NXPH1: variants seen among roughly 807,000 people sequenced by gnomAD.
The protein encoded by NXPH1 is neurexophilin 1.
A neutral mutation model predicts 23.7 loss-of-function variants in NXPH1; 5 were observed. The ratio of observed to expected loss-of-function variants is 0.21; its 90% CI spans 0.11 to 0.44. NXPH1 has a LOEUF of 0.44. Among genes scored for constraint, NXPH1 ranks in the 20% least tolerant of loss-of-function variants. NXPH1 has a pLI of 0.99. For missense variants in NXPH1, 324 were observed against 321.6 expected (o/e 1.01, Z -0.06); for synonymous variants, 144 against 122.2 (o/e 1.18, Z -1.18).
Position 8,435,616 on chromosome 7 carries a change from G to T in NXPH1, c.-98G>T, listed in dbSNP as rs1379797615. ...TATTTGCATCTAGGCTGCTGAGAGC[G>T]CTCCTTGCTCTGTAAAGTGGATGTC... On this transcript the variant is annotated 5_prime_UTR_variant, in exon 2 of 3. Transcript: ENST00000405863. This position sits in a 1 kb window ranked among gnomAD's most constrained non-coding sequence, Gnocchi z 5.9. The T allele has an allele frequency of 9.2e-7, 1 of 1,089,814 alleles. No individual in the cohort carries two copies. The highest frequency in any genetic ancestry group is 1.5e-5 in the African/African-American group (1 of 64,760). 67.5% of individuals were successfully genotyped at this position (1,089,814 alleles called of 1,614,324 possible).
At chr7:8,487,483 T>G (rs78404824) in intron 2 of NXPH1, among the ~76,000 whole-genome samples, 3,980 of 152,260 alleles carry the variant, frequency 0.026, 83 homozygotes, top group Middle Eastern at 0.048. Flanking sequence ...TTAAACCCCT[T>G]TCCTTTATAA....
intron 2 of NXPH1, among the ~76,000 whole-genome samples, chr7:8,538,129 A>C (rs1160484565): frequency 6.6e-6 from 1 of 151,960 alleles, no homozygotes; most frequent in African/African-American, 2.4e-5. Context: ...AAAATTAGAT[A>C]AAACATATAA....
intron 2 of NXPH1, among the ~76,000 whole-genome samples, chr7:8,632,406 T>C (rs1185099452): frequency 6.6e-6 from 1 of 152,210 alleles, no homozygotes; most frequent in East Asian, 1.9e-4. Context: ...CAAGTAGATG[T>C]ATAACTTTAT....
At chr7:8,513,807 G>A (rs1009825589) in intron 2 of NXPH1, among the ~76,000 whole-genome samples, 13 of 151,978 alleles carry the variant, frequency 8.6e-5, no homozygotes, top group Admixed American at 2.0e-4. Context: ...CCATGTATTC[G>A]TTTTCTAGGG....
chr7:8,491,554 A>C (rs577291064), intron 2 of NXPH1, among the ~76,000 whole-genome samples: 60 of 152,196 alleles, frequency 3.9e-4, no homozygotes, highest in African/African-American at 1.3e-3. Context: ...AAGACACATT[A>C]AATACACTAG....
chr7:8,597,078 C>T (rs1205946780), intron 2 of NXPH1, among the ~76,000 whole-genome samples: 1 of 151,946 alleles, frequency 6.6e-6, no homozygotes, highest in Admixed American at 6.6e-5. Flanking sequence ...TGGTCATTCA[C>T]AGCTGAGGGA....
At chr7:8,465,741 G>T (rs1326088843) in intron 2 of NXPH1, among the ~76,000 whole-genome samples, 1 of 152,158 alleles carries the variant, frequency 6.6e-6, no homozygotes, top group Non-Finnish European at 1.5e-5. Flanking sequence ...AAGTCAAAAT[G>T]CCTGCTTTCT....
At chr7:8,685,164 A>G (rs906985684) in intron 2 of NXPH1, among the ~76,000 whole-genome samples, 9 of 152,126 alleles carry the variant, frequency 5.9e-5, no homozygotes, top group Admixed American at 3.9e-4. Flanking sequence ...AATTCACACA[A>G]TAGTTTAATC....
chr7:8,483,898 A>T (rs113986206), intron 2 of NXPH1, among the ~76,000 whole-genome samples: 8 of 151,676 alleles, frequency 5.3e-5, no homozygotes, highest in African/African-American at 1.7e-4. Context: ...GGTGGAAATA[A>T]CTGGAAATTT....
chr7:8,644,198 G>C (rs1206747099), intron 2 of NXPH1, among the ~76,000 whole-genome samples: 1 of 152,226 alleles, frequency 6.6e-6, no homozygotes, highest in African/African-American at 2.4e-5. Flanking sequence ...TAATTCTTAA[G>C]ACTTTAACCT....
intron 2 of NXPH1, among the ~76,000 whole-genome samples, chr7:8,511,098 A>C (rs1817604279): frequency 6.6e-6 from 1 of 152,150 alleles, no homozygotes; most frequent in Admixed American, 6.5e-5. Context: ...CCTGGAATCC[A>C]AAAAGAATAG....
At chr7:8,714,418 C>T (rs944225985) in intron 2 of NXPH1, among the ~76,000 whole-genome samples, 2 of 152,012 alleles carry the variant, frequency 1.3e-5, no homozygotes, top group African/African-American at 4.8e-5. Context: ...CAGGACCCTG[C>T]TTAGTGCTCT....
chr7:8,663,648 C>T lies in NXPH1; in HGVS notation c.55-87360C>T, dbSNP rs145434477. ...CCCTTACAAAATTATTAACATTAAT[C>T]TAATAGTCTGATTTATGAAAATTCT... On this transcript the variant is annotated intron_variant, in intron 2 of 2. Transcript: ENST00000405863. Among the ~76,000 whole-genome samples, 99 of 152,160 alleles carry T rather than the reference C, an allele frequency of 6.5e-4. 1 individual carries two copies. The East Asian group carries it at 0.016, about 25-fold the overall frequency.
At chr7:8,573,230 T>C (rs1349431731) in intron 2 of NXPH1, among the ~76,000 whole-genome samples, 1 of 152,086 alleles carries the variant, frequency 6.6e-6, no homozygotes, top group Admixed American at 6.6e-5. Context: ...ATACATTATA[T>C]TGGTGAGTAG....
chr7:8,707,723 G>C (rs1316021431), intron 2 of NXPH1, among the ~76,000 whole-genome samples: 1 of 152,076 alleles, frequency 6.6e-6, no homozygotes, highest in Non-Finnish European at 1.5e-5. Flanking sequence ...TCTAGGATTT[G>C]CTAGCTGTGT....
At chr7:8,598,489 C>A (rs995675521) in intron 2 of NXPH1, among the ~76,000 whole-genome samples, 1 of 152,154 alleles carries the variant, frequency 6.6e-6, no homozygotes, top group Admixed American at 6.6e-5. Flanking sequence ...TCCCCTCTCT[C>A]CCGCAACTAG....
chr7:8,521,892 G>A (rs1004417394), intron 2 of NXPH1, among the ~76,000 whole-genome samples: 5 of 152,148 alleles, frequency 3.3e-5, no homozygotes, highest in Admixed American at 2.0e-4. Flanking sequence ...TTGGATAGGA[G>A]GAGGACAGAG....
intron 2 of NXPH1, among the ~76,000 whole-genome samples, chr7:8,507,659 A>G (rs1235991363): frequency 6.6e-6 from 1 of 152,136 alleles, no homozygotes; most frequent in African/African-American, 2.4e-5. Context: ...AGCTGCAGCT[A>G]GATCATTCCT....
intron 2 of NXPH1, among the ~76,000 whole-genome samples, chr7:8,509,460 T>C (rs1484138105): frequency 6.6e-6 from 1 of 152,144 alleles, no homozygotes; most frequent in East Asian, 1.9e-4. Context: ...TCTTTATTTC[T>C]TTCTTCTTTT....
Sources: gnomAD v4.1 joint callset for allele counts (sites outside exome capture counted in the v4.1 genomes callset) on GRCh38, gnomAD v4.1.1 for gene constraint, Gnocchi (gnomAD v3.1) non-coding constraint, MANE v1.5 for transcripts, NCBI Gene and HGNC (gene_info 2026-07-23, HGNC 2026-07-21) for gene names.